WDR49: variants seen among roughly 807,000 people sequenced by gnomAD.
WDR49 encodes cilia- and flagella-associated protein 337.
WDR49 carries 107 observed loss-of-function variants against 119.5 expected under a neutral mutation model. The observed-to-expected ratio is 0.90, with a 90% CI of 0.77 to 1.05. The LOEUF is 1.05. WDR49 is among the 50% of genes least tolerant of loss of function. The pLI is 0.00. For missense variants in WDR49, 1,240 were observed against 1,220.5 expected, an observed-to-expected ratio of 1.02 and a Z score of -0.24; for synonymous variants, 425 against 418.8, an observed-to-expected ratio of 1.01 and a Z score of -0.18.
At chr3:167,537,604 G>A (rs1711538098) in intron 10 of WDR49, among the ~76,000 whole-genome samples, 2 of 152,140 alleles carry the variant, frequency 1.3e-5, no homozygotes, top group Non-Finnish European at 2.9e-5. Flanking sequence ...AGAAAGAACA[G>A]TATTAGAGAG....
chr3:167,547,649 A>C (rs946494102), intron 10 of WDR49, among the ~76,000 whole-genome samples: 1 of 151,304 alleles, frequency 6.6e-6, no homozygotes, highest in African/African-American at 2.4e-5. Flanking sequence ...CTAGGAGACA[A>C]GATTTTCTTT....
rs140128576 is a variant in WDR49 at position 167,606,363 on chromosome 3, C to A, written c.959-1895G>T. ...GTCCAACCATAATAGATCTGAGGAA[C>A]TTAAGTGATAAACCTCCAGCCACAG... is the stretch of plus-strand genomic sequence containing the variant. On this transcript the variant is annotated intron_variant, in intron 5 of 18. Transcript: ENST00000682715. 3.0e-3 allele frequency among the ~76,000 whole-genome samples: 453 copies of A among 152,278 alleles called. 2 individuals carry two copies. Among genetic ancestry groups the A allele is most frequent in the African/African-American group, 0.01 (424 of 41,562 alleles).
At chr3:167,489,886 G>A (rs1207143605) in intron 18 of WDR49, among the ~76,000 whole-genome samples, 2 of 152,058 alleles carry the variant, frequency 1.3e-5, no homozygotes, top group Non-Finnish European at 2.9e-5. Context: ...GCGTCTTCTA[G>A]ACAAATTCTT....
intron 18 of WDR49, among the ~76,000 whole-genome samples, chr3:167,498,488 A>G (rs75743260): frequency 0.013 from 1,916 of 152,168 alleles, 37 homozygotes; most frequent in African/African-American, 0.044. Flanking sequence ...TTAGAGGAAG[A>G]GTAAATACTT....
At chr3:167,571,690 T>C (rs73878759) in intron 8 of WDR49, among the ~76,000 whole-genome samples, 3,006 of 152,294 alleles carry the variant, frequency 0.02, 94 homozygotes, top group African/African-American at 0.067. Context: ...TTACGTAAAA[T>C]AGTCTATGCA....
In WDR49 at chr3:167,615,819, C is replaced by A. The variant is rs112437062; in HGVS notation, c.958+4610G>T. Among the ~76,000 whole-genome samples, 680 of 152,270 alleles carry A rather than the reference C, an allele frequency of 4.5e-3. 5 individuals carry two copies. Among genetic ancestry groups the A allele is most frequent in the African/African-American group, 0.013 (550 of 41,556 alleles). ...AGCCAGTTCTTTTCTGCCCTTAACC[C>A]ATCTCAACAAGACACTCACTCCAGC... On this transcript the variant is annotated intron_variant, in intron 5 of 18. Transcript: ENST00000682715.
rs186570997 is a variant in WDR49 at position 167,592,373 on chromosome 3, G to T, written c.1275+9754C>A. 1.9e-3 allele frequency among the ~76,000 whole-genome samples: 280 copies of T among 150,394 alleles called. 2 individuals carry two copies. The highest frequency in any genetic ancestry group is 2.3e-3 in the Non-Finnish European group (153 of 67,578). The stretch of plus-strand genomic sequence containing the variant: ...CACAGTTACAGGGTTATATTCTGTG[G>T]TTTTTTTGTGTACTTACTATTACCA... On this transcript the variant is annotated intron_variant, in intron 7 of 18. Transcript: ENST00000682715.
rs1327615029 is a variant in WDR49, at chr3:167,602,219, G to A, written c.1183C>T (p.Pro395Ser). 1.2e-6 allele frequency: 2 copies of A among 1,604,978 alleles called. No homozygotes were observed. The highest frequency in any genetic ancestry group is 1.7e-6 in the Non-Finnish European group (2 of 1,173,372). ...GAGTGGCCCCAAAGGACACCCACTG[G>A]TTTAGAGACAACATAGGGATTCCAA... ...CLWNPYVVSKPVGVLWGHSAS... is the reference protein window; with the variant it reads ...CLWNPYVVSKSVGVLWGHSAS... The change falls in exon 7 of 19, where the codon CCA becomes TCA. Residue 395 changes from proline (P) to serine (S), a missense_variant. Coordinates refer to ENST00000682715, the MANE Select transcript of WDR49 (RefSeq NM_001366157.1).
Position 167,596,344 on chromosome 3 carries a change from A to G in WDR49, c.1275+5783T>C, listed in dbSNP as rs1482735414. ...TCAGGGATCTAGAACTAGAAATACC[A>G]TTTGACCCAGCCATCCCATTACTGG... On this transcript the variant is annotated intron_variant, in intron 7 of 18. Coordinates refer to ENST00000682715, the MANE Select transcript of WDR49 (RefSeq NM_001366157.1). 3.3e-3 allele frequency among the ~76,000 whole-genome samples: 488 copies of G among 148,934 alleles called. 1 individual carries two copies. Among genetic ancestry groups the G allele is most frequent in the Non-Finnish European group, 5.1e-3 (336 of 66,404 alleles).
chr3:167,622,087 T>C (rs1716900012), intron 3 of WDR49, among the ~76,000 whole-genome samples: 1 of 152,150 alleles, frequency 6.6e-6, no homozygotes, highest in African/African-American at 2.4e-5. Context: ...CCCTAAAGGC[T>C]ATTTTACAAA....
At chr3:167,612,934 G>T (rs1239553446) in intron 5 of WDR49, among the ~76,000 whole-genome samples, 2 of 152,082 alleles carry the variant, frequency 1.3e-5, no homozygotes, top group African/African-American at 2.4e-5. Context: ...AGGGAGGTGA[G>T]GATTGTTACA....
intron 9 of WDR49, among the ~76,000 whole-genome samples, chr3:167,558,303 C>A (rs148313856): frequency 2.6e-5 from 4 of 151,904 alleles, no homozygotes; most frequent in African/African-American, 9.7e-5. Context: ...AAAAATAGAC[C>A]GTTCAAAGCC....
intron 7 of WDR49, among the ~76,000 whole-genome samples, chr3:167,579,045 C>T (rs1714400615): frequency 6.6e-6 from 1 of 152,026 alleles, no homozygotes; most frequent in Non-Finnish European, 1.5e-5. Context: ...TCTGGCTTTT[C>T]CCCTACTCGC....
intron 2 of WDR49, among the ~76,000 whole-genome samples, chr3:167,635,964 A>C (rs1230663311): frequency 1.3e-5 from 2 of 151,262 alleles, no homozygotes; most frequent in African/African-American, 4.9e-5. Flanking sequence ...AAATTAAAAA[A>C]ATTTTTTTTT....
chr3:167,599,304 A>C (rs1715646642), intron 7 of WDR49, among the ~76,000 whole-genome samples: 1 of 152,156 alleles, frequency 6.6e-6, no homozygotes, highest in South Asian at 2.1e-4. Flanking sequence ...CACAAAATTC[A>C]GTTCTTCCCA....
chr3:167,542,382 T>G (rs1711899826), intron 10 of WDR49, among the ~76,000 whole-genome samples: 1 of 151,948 alleles, frequency 6.6e-6, no homozygotes, highest in African/African-American at 2.4e-5. Context: ...CAACATAAAA[T>G]AGGTGAAAAA....
chr3:167,527,925 T>G lies in WDR49; in HGVS notation c.2499A>C (p.Leu833Phe). ...ACTGACCACCTGGCTCACACATCTC[T>G]AAGGAACTTATTCGGTCCTCATGAG... ...FQPHEDRISS[L>F]EMCEPGGQLL... The change falls in exon 15 of 19, where the codon TTA (leucine) becomes TTC (phenylalanine). Residue 833 changes from leucine (L) to phenylalanine (F), a missense_variant. Coordinates refer to ENST00000682715, the MANE Select transcript of WDR49 (RefSeq NM_001366157.1). 1 of 1,613,154 alleles carries G rather than the reference T, an allele frequency of 6.2e-7. No homozygotes were observed. The highest frequency in any genetic ancestry group is 8.5e-7 in the Non-Finnish European group (1 of 1,179,388).
At chr3:167,631,220 T>A (rs1267132428) in intron 2 of WDR49, among the ~76,000 whole-genome samples, 1 of 151,906 alleles carries the variant, frequency 6.6e-6, no homozygotes, top group Non-Finnish European at 1.5e-5. Context: ...TACCTACATA[T>A]CAAACCCGCA....
At chr3:167,552,301 G>A (rs112868999) in intron 10 of WDR49, among the ~76,000 whole-genome samples, 4 of 152,092 alleles carry the variant, frequency 2.6e-5, no homozygotes, top group African/African-American at 7.2e-5. Flanking sequence ...TAGCTAAAGT[G>A]AGCAGAATCT....
Sources: allele counts gnomAD v4.1 joint callset (sites outside exome capture counted in the v4.1 genomes callset), GRCh38; gene constraint gnomAD v4.1.1; transcripts MANE v1.5; gene names NCBI Gene and HGNC (gene_info 2026-07-23, HGNC 2026-07-21).